The following KIF21B variants were observed in gnomAD, a reference collection of about 807,000 sequenced individuals.
The protein encoded by KIF21B is kinesin-like protein KIF21B.
Under a neutral mutation model 192.9 loss-of-function variants are expected in KIF21B, and 85 were observed. The observed-to-expected ratio is 0.44, with a 90% CI of 0.37 to 0.53. The LOEUF (loss-of-function observed/expected upper bound fraction) is 0.53. KIF21B is among the 20% of genes least tolerant of loss of function. KIF21B has a pLI of 0.00. For synonymous variants in KIF21B, 832 were observed against 884.6 expected (o/e 0.94, Z 1.05); for missense variants, 1,716 against 2,194.8 (o/e 0.78, Z 4.36).
At position 200,988,286 on chromosome 1, in the gene KIF21B, C is replaced by T. The variant is rs1204881138; in HGVS notation, c.3408+10G>A. On this transcript the variant is annotated intron_variant, in intron 24 of 34. Coordinates refer to ENST00000461742, the MANE Select transcript of KIF21B (RefSeq NM_001252102.2). ...GCTGCACCCACTGCCTGACTTCCGG[C>T]GGGGCTCACCTTGAACTTGAAATCG... The T allele has an allele frequency of 6.2e-6, 10 of 1,613,358 alleles. No individual in the cohort carries two copies. Among genetic ancestry groups the T allele is most frequent in the Non-Finnish European group, 6.8e-6 (8 of 1,179,832 alleles).
rs376966681 is a variant in KIF21B, at chr1:201,009,367, C to G, written c.163G>C (p.Asp55His). Reference protein sequence around the residue: ...DKAFTYDFVFDLDTWQEQIYS... With the variant: ...DKAFTYDFVFHLDTWQEQIYS... ...ATCTGTTCTTGCCAGGTGTCCAGGT[C>G]GAAGACAAAGTCATAGGTGAAGGCC... Residue 55 changes from aspartate (D) to histidine (H), a missense_variant, in exon 2 of 35, where the codon GAC becomes CAC. Physicochemically the swap from Asp to His is moderately conservative, Grantham distance 81. Transcript: ENST00000461742. 1 of 1,614,242 alleles carries G rather than the reference C, an allele frequency of 6.2e-7. No individual in the cohort carries two copies. The highest frequency in any genetic ancestry group is 1.7e-5 in the Admixed American group (1 of 60,030).
At chr1:201,018,860 T>G (rs908979033) in intron 1 of KIF21B, among the ~76,000 whole-genome samples, 1 of 152,236 alleles carries the variant, frequency 6.6e-6, no homozygotes, top group Admixed American at 6.5e-5. Context: ...TGGAGGTGAA[T>G]TCAATTTACT....
intron 26 of KIF21B, among the ~76,000 whole-genome samples, chr1:200,985,948 C>G (rs1168143114): frequency 6.6e-6 from 1 of 151,040 alleles, no homozygotes; most frequent in Non-Finnish European, 1.5e-5. Flanking sequence ...CAGGTTCATG[C>G]AATTCTCCTG....
rs768611568 is a variant in KIF21B, at chr1:200,988,556, C to A, written c.3299-12G>T. ...GGCGTAGCCATTCTCTGTGGGAGGG[C>A]GGGAGGGAGGGAAAGGGGTTGAGAA... On this transcript the variant is annotated splice_polypyrimidine_tract_variant and intron_variant, in intron 22 of 34. Coordinates refer to ENST00000461742, the MANE Select transcript of KIF21B (RefSeq NM_001252102.2). 4.6e-5 allele frequency: 13 copies of A among 282,690 alleles called. No homozygotes were observed. Among genetic ancestry groups the A allele is most frequent in the African/African-American group, 2.9e-4 (9 of 30,532 alleles). 17.5% of individuals were successfully genotyped at this position (282,690 alleles called of 1,614,324 possible).
intron 2 of KIF21B, 120 bp downstream of exon 2, chr1:201,009,146 T>C (rs1658089813): frequency 8.6e-7 from 1 of 1,160,198 alleles, no homozygotes; most frequent in African/African-American, 1.5e-5. Flanking sequence ...ACGGCCTCCT[T>C]AGACAATAGA....
At chr1:201,021,235 C>T (rs896585817) in intron 1 of KIF21B, among the ~76,000 whole-genome samples, 2 of 152,194 alleles carry the variant, frequency 1.3e-5, no homozygotes, top group African/African-American at 4.8e-5. Flanking sequence ...GTCCTAAGCT[C>T]TCTGATTAGA....
intron 1 of KIF21B, among the ~76,000 whole-genome samples, chr1:201,009,773 A>C (rs1206651156): frequency 1.3e-5 from 2 of 152,190 alleles, no homozygotes; most frequent in African/African-American, 4.8e-5. Flanking sequence ...CTTCACTATA[A>C]ACTTGTGAGG....
At chr1:200,992,030 T>C (rs1279994664) in intron 16 of KIF21B, among the ~76,000 whole-genome samples, 1 of 152,224 alleles carries the variant, frequency 6.6e-6, no homozygotes, top group Non-Finnish European at 1.5e-5. Context: ...ATTTCCAGCT[T>C]GCTGGTCACC....
intron 29 of KIF21B, 130 bp downstream of exon 29, chr1:200,980,830 G>T: frequency 8.6e-7 from 1 of 1,163,280 alleles, no homozygotes; most frequent in Non-Finnish European, 1.2e-6. Flanking sequence ...AGGGTAGTAA[G>T]CAAATAGACC....
At chr1:200,979,447 T>TGCTGA in intron 30 of KIF21B, 88 bp downstream of exon 30, 1 of 1,066,774 alleles carries the variant, frequency 9.4e-7, no homozygotes, top group Non-Finnish European at 1.3e-6. Flanking sequence ...GGCTGTGCTG[T>TGCTGA]GCTGAGTGGG....
At position 201,000,686 on chromosome 1, in the gene KIF21B, C is replaced by T. The variant is rs760550954; in HGVS notation, c.1466+31G>A. On this transcript the variant is annotated intron_variant, in intron 10 of 34. Coordinates refer to ENST00000461742, the MANE Select transcript of KIF21B (RefSeq NM_001252102.2). The surrounding 1 kb of genome is among the most constrained non-coding windows in gnomAD (Gnocchi z 6.0). ...CGTCACCTGGCCGAGGCCCCCAGCC[C>T]GCGCACACCTGCCGGAGCTCACTCA... 8.7e-6 allele frequency: 14 copies of T among 1,613,862 alleles called. No homozygotes were observed. The highest frequency in any genetic ancestry group is 6.7e-5 in the East Asian group (3 of 44,900).
rs1655236146 is a variant in KIF21B at position 200,972,001 on chromosome 1, A to C, written c.*1520T>G. On this transcript the variant is annotated 3_prime_UTR_variant, in exon 35 of 35. Coordinates refer to ENST00000461742, the MANE Select transcript of KIF21B (RefSeq NM_001252102.2). ...GGGCTGGCTCTTGGCTCCCAGACTGAAGCGGGAAGCACAAGACCAGCGATG... is the reference window on the plus strand; with the variant it reads ...GGGCTGGCTCTTGGCTCCCAGACTGCAGCGGGAAGCACAAGACCAGCGATG... 6.7e-6 allele frequency: 1 copy of C among 148,454 alleles called. No individual in the cohort carries two copies. The highest frequency in any genetic ancestry group is 2.5e-5 in the African/African-American group (1 of 40,590). 9.2% of individuals were successfully genotyped at this position (148,454 alleles called of 1,614,324 possible). A position where few individuals can be genotyped will look rare whatever the true frequency, so the allele number is the denominator to read the frequency against.
rs1350896006 is a variant in KIF21B, at chr1:200,972,541, C to T, written c.*980G>A. ...ACAAGACCTCGCGAGTGAGAAGACACATGTGGTGCCGCGGGCATGGCTGGT... is the reference window on the plus strand; with the variant it reads ...ACAAGACCTCGCGAGTGAGAAGACATATGTGGTGCCGCGGGCATGGCTGGT... On this transcript the variant is annotated 3_prime_UTR_variant, in exon 35 of 35. Coordinates refer to ENST00000461742, the MANE Select transcript of KIF21B (RefSeq NM_001252102.2). The T allele has an allele frequency of 1.3e-5, 2 of 152,588 alleles. No individual in the cohort carries two copies. The highest frequency in any genetic ancestry group is 4.8e-5 in the African/African-American group (2 of 41,444). 9.5% of individuals were successfully genotyped at this position (152,588 alleles called of 1,614,324 possible).
chr1:200,995,192 G>A (rs1006213450), intron 15 of KIF21B, among the ~76,000 whole-genome samples: 1 of 152,232 alleles, frequency 6.6e-6, no homozygotes, highest in African/African-American at 2.4e-5. Flanking sequence ...TGAGTCGGCT[G>A]TGAGCATGTA....
At chr1:201,014,689 T>C (rs975307868) in intron 1 of KIF21B, among the ~76,000 whole-genome samples, 5 of 152,310 alleles carry the variant, frequency 3.3e-5, no homozygotes, top group Middle Eastern at 3.4e-3. Flanking sequence ...TTGGCTCAGC[T>C]TCTTAGGTGA....
In KIF21B at chr1:201,000,775, C is replaced by T; in HGVS notation, c.1408G>A (p.Gly470Ser). 2 of 1,614,188 alleles carry T rather than the reference C, an allele frequency of 1.2e-6. No individual in the cohort carries two copies. Among genetic ancestry groups the T allele is most frequent in the Non-Finnish European group, 1.7e-6 (2 of 1,180,010 alleles). Residue 470 changes from glycine to serine, a missense_variant, in exon 10 of 35, where the codon GGC becomes AGC. Gly to Ser is a moderately conservative substitution (Grantham distance 56). Transcript: ENST00000461742. This position sits in a 1 kb window ranked among gnomAD's most constrained non-coding sequence, Gnocchi z 6.0. Reference protein sequence around the residue: ...ANLLLAKAGDGNEAIGALIQN... With the variant: ...ANLLLAKAGDSNEAIGALIQN... Reference sequence around the variant, plus strand: ...ATCAGCGCACCAATGGCCTCATTGCCATCGCCTGGAGTGGGACGGCGGGAA... The same window carrying T: ...ATCAGCGCACCAATGGCCTCATTGCTATCGCCTGGAGTGGGACGGCGGGAA...
At chr1:200,997,601 G>A (rs1205358585) in intron 14 of KIF21B, among the ~76,000 whole-genome samples, 1 of 152,134 alleles carries the variant, frequency 6.6e-6, no homozygotes. Context: ...AAATTAGCCG[G>A]GCGTGGTGGC....
rs1337593414 is a variant in KIF21B, at chr1:200,988,925, G to A, written c.3139C>T (p.Gln1047Ter). 1 of 1,609,772 alleles carries A rather than the reference G, an allele frequency of 6.2e-7. No individual in the cohort carries two copies. Among genetic ancestry groups the A allele is most frequent in the Non-Finnish European group, 8.5e-7 (1 of 1,178,212 alleles). Residue 1047 changes from glutamine to a stop codon, truncating the protein, a stop_gained, in exon 22 of 35, where the codon CAA becomes TAA. Transcript: ENST00000461742. LOFTEE classifies it high-confidence loss of function. ...FLKASIDKGL[Q>*]VAQKEAQIRL... is the part of the protein sequence containing the mutation. ...ATCTGGGCTTCCTTTTGTGCCACTTGCAGCCCCTGGGGGCAGGGAACAAAG... is the reference window on the plus strand; with the variant it reads ...ATCTGGGCTTCCTTTTGTGCCACTTACAGCCCCTGGGGGCAGGGAACAAAG...
chr1:200,980,226 A>T (rs1655826701), intron 29 of KIF21B, among the ~76,000 whole-genome samples: 1 of 152,242 alleles, frequency 6.6e-6, no homozygotes, highest in South Asian at 2.1e-4. Flanking sequence ...TCTGTCGGTA[A>T]AATGAATGAA....
Sources: gnomAD v4.1 joint callset for allele counts (sites outside exome capture counted in the v4.1 genomes callset) on GRCh38, gnomAD v4.1.1 for gene constraint, Gnocchi (gnomAD v3.1) non-coding constraint, MANE v1.5 for transcripts, NCBI Gene and HGNC (gene_info 2026-07-23, HGNC 2026-07-21) for gene names.